Variants in SGCD observed in about 807,000 individuals in gnomAD.
SGCD encodes sarcoglycan delta.
In SGCD, 18 loss-of-function variants were observed where a neutral mutation model predicts 36.6. The observed-to-expected ratio is 0.49, with a 90% CI of 0.34 to 0.73. SGCD has a LOEUF of 0.73. Ranked by LOEUF, SGCD falls within the 30% of genes least tolerant of loss-of-function variation. The pLI is 0.01. For synonymous variants in SGCD, 133 were observed against 130.6 expected, an observed-to-expected ratio of 1.02 and a Z score of -0.12; for missense variants, 387 against 346.7, an observed-to-expected ratio of 1.12 and a Z score of -0.92.
chr5:156,697,078 T>C (rs979883915), intron 7 of SGCD, among the ~76,000 whole-genome samples: 1 of 151,974 alleles, frequency 6.6e-6, no homozygotes, highest in Non-Finnish European at 1.5e-5. Flanking sequence ...GAAGGTCACT[T>C]GCATGTGTAA....
In SGCD at chr5:156,624,310, G is replaced by A. The variant is rs144904676; in HGVS notation, c.503-23154G>A. Among the ~76,000 whole-genome samples, 18 of 152,272 alleles carry A rather than the reference G, an allele frequency of 1.2e-4. 1 individual carries two copies. In the South Asian group the frequency reaches 2.3e-3, roughly 19 times the overall value. ...CAAAAACCACTCTTGGGCCAGGCGC[G>A]GTGGCTCATGCCTGTAATCCCAGGA... On this transcript the variant is annotated intron_variant, in intron 6 of 8. Transcript: ENST00000337851.
intron 5 of SGCD, among the ~76,000 whole-genome samples, chr5:156,589,628 G>A (rs570962470): frequency 4.6e-5 from 7 of 152,156 alleles, no homozygotes; most frequent in African/African-American, 1.7e-4. Context: ...CCAAAGAAAA[G>A]CTTCTTGCTC....
chr5:156,580,412 A>G (rs1015216641), intron 4 of SGCD, among the ~76,000 whole-genome samples: 1 of 151,998 alleles, frequency 6.6e-6, no homozygotes, highest in African/African-American at 2.4e-5. Context: ...CTTCTTGAGG[A>G]GTATCTTTGT....
intron 4 of SGCD, among the ~76,000 whole-genome samples, chr5:156,532,779 A>G (rs1312047982): frequency 6.6e-6 from 1 of 152,146 alleles, no homozygotes; most frequent in Non-Finnish European, 1.5e-5. Flanking sequence ...TATTTCTTAT[A>G]GTGACCTTAT....
intron 3 of SGCD, among the ~76,000 whole-genome samples, chr5:156,381,042 A>G (rs1770948383): frequency 6.6e-6 from 1 of 152,134 alleles, no homozygotes; most frequent in Admixed American, 6.6e-5. Flanking sequence ...CTCCCATGAC[A>G]TCAGCTGAAA....
chr5:156,154,102 T>A (rs1289938777), intron 3 of SGCD, among the ~76,000 whole-genome samples: 1 of 151,586 alleles, frequency 6.6e-6, no homozygotes, highest in Non-Finnish European at 1.5e-5. Flanking sequence ...GAAGCACTGA[T>A]TAACCACTGC....
At chr5:156,243,964 C>G (rs1765368331) in intron 3 of SGCD, among the ~76,000 whole-genome samples, 1 of 152,222 alleles carries the variant, frequency 6.6e-6, no homozygotes, top group African/African-American at 2.4e-5. Flanking sequence ...AGAATGTTTA[C>G]CTTATTTCAC....
chr5:156,192,150 T>C (rs1374980451), intron 3 of SGCD, among the ~76,000 whole-genome samples: 2 of 152,154 alleles, frequency 1.3e-5, no homozygotes, highest in South Asian at 2.1e-4. Flanking sequence ...TGGGGCTGTT[T>C]CTTCCAAAAG....
chr5:156,072,018 G>A (rs746069310), intron 1 of SGCD, among the ~76,000 whole-genome samples: 4 of 152,102 alleles, frequency 2.6e-5, no homozygotes, highest in South Asian at 2.1e-4. Context: ...TTGTGCCTAT[G>A]TGCGTCTCTG....
intron 3 of SGCD, among the ~76,000 whole-genome samples, chr5:156,178,217 A>T (rs1763518475): frequency 6.6e-6 from 1 of 152,220 alleles, no homozygotes. Flanking sequence ...AGTGAAAAAA[A>T]AAATCATAAG....
In SGCD at chr5:156,086,263, A is replaced by G. The variant is rs566300475; in HGVS notation, c.-281-31615A>G. Among the ~76,000 whole-genome samples, 7 of 152,308 alleles carry G rather than the reference A, an allele frequency of 4.6e-5. No homozygotes were observed. In the South Asian group the frequency reaches 1.2e-3, roughly 27 times the overall value. ...AAGGATAGTCTACTGTCTGTCCTGC[A>G]TTTCTGCTCTTTTCCTTTTTCCTTC... On this transcript the variant is annotated intron_variant, in intron 1 of 9. Transcript: ENST00000517913.
At chr5:156,411,525 A>C (rs943825651) in intron 3 of SGCD, among the ~76,000 whole-genome samples, 1 of 152,240 alleles carries the variant, frequency 6.6e-6, no homozygotes, top group African/African-American at 2.4e-5. Context: ...GACTGGGCTC[A>C]GATCCTGGCT....
chr5:155,912,603 A>G (rs1172256419), intron 1 of SGCD, among the ~76,000 whole-genome samples: 1 of 152,156 alleles, frequency 6.6e-6, no homozygotes, highest in Non-Finnish European at 1.5e-5. Context: ...CTGTATTTTA[A>G]GCACAACTAG....
At chr5:156,562,517 G>T (rs1290991274) in intron 4 of SGCD, among the ~76,000 whole-genome samples, 1 of 152,206 alleles carries the variant, frequency 6.6e-6, no homozygotes, top group African/African-American at 2.4e-5. Context: ...CAGGCAGGTG[G>T]CGTGGACCTC....
intron 4 of SGCD, among the ~76,000 whole-genome samples, chr5:156,534,329 C>T (rs1000660645): frequency 3.9e-5 from 6 of 152,178 alleles, no homozygotes; most frequent in South Asian, 2.1e-4. Context: ...TAGGCCTCTA[C>T]GGCTTGCCCT....
At chr5:156,541,394 G>T (rs1758342352) in intron 4 of SGCD, among the ~76,000 whole-genome samples, 1 of 152,126 alleles carries the variant, frequency 6.6e-6, no homozygotes, top group African/African-American at 2.4e-5. Flanking sequence ...CAGGGAGGGA[G>T]CTCCTCGGTG....
chr5:156,757,868 A>C, intron 8 of SGCD, 164 bp downstream of exon 8: 1 of 1,305,510 alleles, frequency 7.7e-7, no homozygotes, highest in African/African-American at 1.5e-5. Context: ...TTATAAGCCA[A>C]ACCCACAATC....
At chr5:155,829,307 T>C in the SGCD span, among the ~76,000 whole-genome samples, 1 of 150,384 alleles carries the variant, frequency 6.6e-6, no homozygotes, top group Non-Finnish European at 1.5e-5. Flanking sequence ...GTTCCCACAT[T>C]GCTCCATGTT....
intron 4 of SGCD, among the ~76,000 whole-genome samples, chr5:156,537,519 A>T (rs1313879565): frequency 6.7e-6 from 1 of 150,338 alleles, no homozygotes; most frequent in African/African-American, 2.5e-5. Context: ...GTATATATAT[A>T]TTTTCACAGG....
Sources: allele counts gnomAD v4.1 joint callset (sites outside exome capture counted in the v4.1 genomes callset), GRCh38; gene constraint gnomAD v4.1.1; transcripts MANE v1.5; gene names NCBI Gene and HGNC (gene_info 2026-07-23, HGNC 2026-07-21).